Variants in HIKESHI observed in about 807,000 individuals in gnomAD.
HIKESHI encodes the protein heat shock protein nuclear import factor hikeshi.
HIKESHI carries 13 observed loss-of-function variants against 25.7 expected under a neutral mutation model. That is an observed-to-expected ratio of 0.51 (90% CI 0.33 to 0.80). The LOEUF (loss-of-function observed/expected upper bound fraction) is 0.80, where lower values mean the gene tolerates loss of function less well. HIKESHI is among the 30% of genes least tolerant of loss of function. HIKESHI has a pLI of 0.02. For missense variants in HIKESHI, 174 were observed against 229.5 expected, an observed-to-expected ratio of 0.76 and a Z score of 1.56; for synonymous variants, 76 against 78.7, an observed-to-expected ratio of 0.97 and a Z score of 0.18.
At chr11:86,314,900 T>C (rs1050297456) in intron 2 of HIKESHI, among the ~76,000 whole-genome samples, 6 of 152,128 alleles carry the variant, frequency 3.9e-5, no homozygotes, top group African/African-American at 1.4e-4. Context: ...GACTGAGAAA[T>C]TGGGTGTGGA....
chr11:86,331,698 A>C (rs1485697963), intron 2 of HIKESHI, among the ~76,000 whole-genome samples: 1 of 152,138 alleles, frequency 6.6e-6, no homozygotes, highest in Non-Finnish European at 1.5e-5. Context: ...GTATCAGATA[A>C]ATTATATTTT....
chr11:86,306,205 C>A, intron 1 of HIKESHI, 40 bp from the exon 2 acceptor site: 1 of 1,349,352 alleles, frequency 7.4e-7, no homozygotes, highest in South Asian at 1.2e-5. Flanking sequence ...TACAGAAACT[C>A]ATAGAACCAT....
At chr11:86,320,108 A>G (rs751192344) in intron 2 of HIKESHI, among the ~76,000 whole-genome samples, 1 of 152,210 alleles carries the variant, frequency 6.6e-6, no homozygotes, top group Non-Finnish European at 1.5e-5. Context: ...CTTCAAAGGT[A>G]CTTAAAACAA....
intron 2 of HIKESHI, among the ~76,000 whole-genome samples, chr11:86,335,143 A>G (rs1947519392): frequency 1.3e-5 from 2 of 152,194 alleles, no homozygotes; most frequent in African/African-American, 4.8e-5. Flanking sequence ...AGGGAGCAGG[A>G]TAGACCTAAT....
At chr11:86,328,352 G>A (rs184343438) in intron 2 of HIKESHI, among the ~76,000 whole-genome samples, 244 of 151,484 alleles carry the variant, frequency 1.6e-3, no homozygotes, top group African/African-American at 5.6e-3. Flanking sequence ...TCCGCCTCCC[G>A]GGTTCAAGTG....
At chr11:86,330,242 C>T (rs1947387621) in intron 2 of HIKESHI, among the ~76,000 whole-genome samples, 1 of 152,134 alleles carries the variant, frequency 6.6e-6, no homozygotes. Context: ...TGAAACCAGA[C>T]TTGGTAATTT....
intron 2 of HIKESHI, among the ~76,000 whole-genome samples, chr11:86,333,506 G>T (rs564043418): frequency 4.6e-4 from 70 of 151,532 alleles, no homozygotes; most frequent in Middle Eastern, 3.4e-3. Flanking sequence ...CCGCACTCCA[G>T]CCTGGGCAAC....
intron 2 of HIKESHI, among the ~76,000 whole-genome samples, chr11:86,321,441 T>A (rs79943381): frequency 0.033 from 4,952 of 152,292 alleles, 257 homozygotes; most frequent in African/African-American, 0.11. Context: ...TGGGTTAATA[T>A]CTAGGAGTAG....
At chr11:86,328,163 G>A (rs1447219214) in intron 2 of HIKESHI, among the ~76,000 whole-genome samples, 3 of 152,180 alleles carry the variant, frequency 2.0e-5, no homozygotes, top group African/African-American at 7.2e-5. Flanking sequence ...ATAGAGCAGG[G>A]ATTAGGATCT....
At chr11:86,321,082 G>C (rs2138350228) in intron 2 of HIKESHI, among the ~76,000 whole-genome samples, 1 of 151,926 alleles carries the variant, frequency 6.6e-6, no homozygotes, top group South Asian at 2.1e-4. Context: ...TTATAGGCGT[G>C]CACCACCATG....
At chr11:86,320,534 C>G (rs1327734256) in intron 2 of HIKESHI, among the ~76,000 whole-genome samples, 1 of 152,222 alleles carries the variant, frequency 6.6e-6, no homozygotes, top group Non-Finnish European at 1.5e-5. Context: ...CAAGATCGTG[C>G]CATTGCACTC....
chr11:86,318,620 A>C (rs1181562255), intron 2 of HIKESHI, among the ~76,000 whole-genome samples: 2 of 152,104 alleles, frequency 1.3e-5, no homozygotes, highest in Non-Finnish European at 1.5e-5. Flanking sequence ...CTAGTACCTT[A>C]AATAGTTACA....
intron 2 of HIKESHI, among the ~76,000 whole-genome samples, chr11:86,332,734 G>T (rs553111766): frequency 2.0e-5 from 3 of 152,308 alleles, no homozygotes; most frequent in South Asian, 4.1e-4. Context: ...AGAAAATATT[G>T]TAGGCATTGT....
chr11:86,314,329 T>A (rs1459298183), intron 2 of HIKESHI, among the ~76,000 whole-genome samples: 1 of 152,022 alleles, frequency 6.6e-6, no homozygotes, highest in Non-Finnish European at 1.5e-5. Flanking sequence ...CAAGGAGAAA[T>A]GGGAGGCTGG....
At chr11:86,323,161 G>A (rs1282652998) in intron 2 of HIKESHI, among the ~76,000 whole-genome samples, 1 of 152,006 alleles carries the variant, frequency 6.6e-6, no homozygotes. Context: ...AGCCCAGGAG[G>A]CAGAGGTTAC....
chr11:86,319,240 A>ATTTTTTTTT (rs1273706275), intron 2 of HIKESHI, among the ~76,000 whole-genome samples: 24 of 92,960 alleles, frequency 2.6e-4, no homozygotes, highest in Admixed American at 1.9e-3. Flanking sequence ...ATATATATAT[A>ATTTTTTTTT]TATTTTTTTT....
At chr11:86,324,835 T>G (rs1377671608) in intron 2 of HIKESHI, among the ~76,000 whole-genome samples, 1 of 152,036 alleles carries the variant, frequency 6.6e-6, no homozygotes, top group East Asian at 1.9e-4. Flanking sequence ...TAGCATAATT[T>G]TATGGGAGCT....
intron 2 of HIKESHI, among the ~76,000 whole-genome samples, chr11:86,329,736 T>G (rs890540563): frequency 3.3e-5 from 5 of 152,136 alleles, no homozygotes; most frequent in Non-Finnish European, 5.9e-5. Context: ...TTGTTTCTTT[T>G]ACCAATATGA....
intron 2 of HIKESHI, among the ~76,000 whole-genome samples, chr11:86,319,242 A>ATATATATATATATATATATTTTT (rs1383589741): frequency 9.5e-5 from 9 of 94,946 alleles, no homozygotes; most frequent in African/African-American, 4.2e-4. Flanking sequence ...ATATATATAT[A>ATATATATATATATATATATTTTT]TTTTTTTTTT....
Sources: gnomAD v4.1 joint callset for allele counts (sites outside exome capture counted in the v4.1 genomes callset) on GRCh38, gnomAD v4.1.1 for gene constraint, MANE v1.5 for transcripts, NCBI Gene and HGNC (gene_info 2026-07-23, HGNC 2026-07-21) for gene names.